Variants in CSGALNACT1 observed in about 807,000 individuals in gnomAD.
The protein encoded by CSGALNACT1 is beta4GalNAcT-1.
In CSGALNACT1, 52 loss-of-function variants were observed where a neutral mutation model predicts 51.0. That is an observed-to-expected ratio of 1.02 (90% CI 0.82 to 1.29). The LOEUF (loss-of-function observed/expected upper bound fraction) is 1.29. Ranked by LOEUF, CSGALNACT1 falls within the 50% of genes most tolerant of loss-of-function variation. CSGALNACT1 has a pLI of 0.00. For synonymous variants in CSGALNACT1, 341 were observed against 254.4 expected (o/e 1.34, Z -3.24); for missense variants, 935 against 679.2 (o/e 1.38, Z -4.19).
intron 8 of CSGALNACT1, among the ~76,000 whole-genome samples, chr8:19,412,827 C>T (rs982914339): frequency 1.3e-5 from 2 of 151,876 alleles, no homozygotes; most frequent in African/African-American, 2.4e-5. Context: ...AGGCTGGGGG[C>T]CCCCAGCCCA....
intron 6 of CSGALNACT1, among the ~76,000 whole-genome samples, chr8:19,435,777 A>G (rs1458211769): frequency 1.3e-5 from 2 of 152,208 alleles, no homozygotes; most frequent in Non-Finnish European, 2.9e-5. Flanking sequence ...CAGAATAAGA[A>G]TCAGATATTG....
chr8:19,456,817 G>A (rs551887668), intron 5 of CSGALNACT1, among the ~76,000 whole-genome samples: 2 of 152,066 alleles, frequency 1.3e-5, no homozygotes, highest in South Asian at 4.1e-4. Flanking sequence ...TACGAACTAG[G>A]GAATATGAAA....
exon 5 of CSGALNACT1, chr8:19,458,578 T>A (rs1365047456): frequency 1.2e-6 from 2 of 1,614,208 alleles, no homozygotes; most frequent in Non-Finnish European, 1.7e-6. Flanking sequence ...TGAATTCGTG[T>A]TTGTGGTCCC....
chr8:19,740,155 A>G (rs566552162), intron 1 of CSGALNACT1, among the ~76,000 whole-genome samples: 1 of 152,262 alleles, frequency 6.6e-6, no homozygotes, highest in East Asian at 1.9e-4. Context: ...GCAGAGGCCA[A>G]ATTGTTCCAG....
At chr8:19,602,076 A>C (rs775998447) in exon 1 of CSGALNACT1, 34 of 316,548 alleles carry the variant, frequency 1.1e-4, no homozygotes, top group Non-Finnish European at 1.9e-4. Flanking sequence ...TCAAGGCTTT[A>C]AACAGTGATA....
chr8:19,662,352 G>C (rs942165925), intron 1 of CSGALNACT1, among the ~76,000 whole-genome samples: 1 of 152,052 alleles, frequency 6.6e-6, no homozygotes, highest in Non-Finnish European at 1.5e-5. Flanking sequence ...CTGCACTCCA[G>C]TCTGGGCGAC....
chr8:19,715,721 C>T (rs565451969), intron 1 of CSGALNACT1, among the ~76,000 whole-genome samples: 1 of 152,066 alleles, frequency 6.6e-6, no homozygotes, highest in Non-Finnish European at 1.5e-5. Flanking sequence ...TGGAAATGGG[C>T]ACATCTTTCC....
At chr8:19,740,294 C>T (rs1456115572) in intron 1 of CSGALNACT1, among the ~76,000 whole-genome samples, 1 of 152,196 alleles carries the variant, frequency 6.6e-6, no homozygotes, top group African/African-American at 2.4e-5. Context: ...AAGTGTCTCA[C>T]CCGAGTCACA....
chr8:19,481,616 A>T (rs561189136), intron 4 of CSGALNACT1, among the ~76,000 whole-genome samples: 1 of 152,300 alleles, frequency 6.6e-6, no homozygotes, highest in South Asian at 2.1e-4. Flanking sequence ...CCCAAACTGG[A>T]GATAAGCACA....
At chr8:19,708,925 G>C (rs369980855) in intron 1 of CSGALNACT1, among the ~76,000 whole-genome samples, 14 of 152,166 alleles carry the variant, frequency 9.2e-5, no homozygotes, top group African/African-American at 3.4e-4. Context: ...ATGTGGACTT[G>C]CACGTGTCAT....
chr8:19,566,083 T>C (rs2154103028), intron 3 of CSGALNACT1, among the ~76,000 whole-genome samples: 1 of 152,370 alleles, frequency 6.6e-6, no homozygotes, highest in East Asian at 1.9e-4. Flanking sequence ...AAACCTTTTG[T>C]CTTCTATGGC....
chr8:19,467,424 A>G (rs548230144), intron 4 of CSGALNACT1, among the ~76,000 whole-genome samples: 2 of 152,134 alleles, frequency 1.3e-5, no homozygotes, highest in African/African-American at 2.4e-5. Context: ...CCTGGCCAGT[A>G]CTAGCAGTTG....
chr8:19,598,806 A>G (rs2049556587), intron 2 of CSGALNACT1, among the ~76,000 whole-genome samples: 1 of 152,216 alleles, frequency 6.6e-6, no homozygotes, highest in African/African-American at 2.4e-5. Flanking sequence ...GCCCATAAGA[A>G]GAATGTGGGT....
At chr8:19,549,458 C>G (rs2154080270) in intron 3 of CSGALNACT1, among the ~76,000 whole-genome samples, 3 of 152,052 alleles carry the variant, frequency 2.0e-5, no homozygotes, top group Admixed American at 2.0e-4. Flanking sequence ...AACTAGAAAA[C>G]TGATAGATAA....
intron 1 of CSGALNACT1, among the ~76,000 whole-genome samples, chr8:19,665,755 C>G (rs946830705): frequency 6.6e-6 from 1 of 152,190 alleles, no homozygotes; most frequent in Admixed American, 6.5e-5. Context: ...ATTCCTCTCT[C>G]TTAATTCATA....
At chr8:19,469,918 G>A (rs1000827364) in intron 4 of CSGALNACT1, among the ~76,000 whole-genome samples, 2 of 152,158 alleles carry the variant, frequency 1.3e-5, no homozygotes, top group Non-Finnish European at 2.9e-5. Flanking sequence ...CTTCACAGAA[G>A]GAGAAAGGGA....
intron 4 of CSGALNACT1, among the ~76,000 whole-genome samples, chr8:19,471,787 G>T (rs1356698964): frequency 6.6e-6 from 1 of 152,174 alleles, no homozygotes; most frequent in Non-Finnish European, 1.5e-5. Flanking sequence ...CAACGGAAGA[G>T]ATGGGGAAGA....
intron 1 of CSGALNACT1, among the ~76,000 whole-genome samples, chr8:19,702,406 G>GGA (rs1421678716): frequency 1.3e-5 from 2 of 152,032 alleles, no homozygotes; most frequent in Non-Finnish European, 2.9e-5. Flanking sequence ...CAGCTACTTG[G>GGA]GAGGCTGAGG....
At chr8:19,610,159 G>A (rs1205550058) in intron 1 of CSGALNACT1, among the ~76,000 whole-genome samples, 5 of 151,442 alleles carry the variant, frequency 3.3e-5, no homozygotes, top group African/African-American at 1.2e-4. Context: ...GCGTGGTTGC[G>A]GGTACCTGTA....
Sources: allele counts gnomAD v4.1 joint callset (sites outside exome capture counted in the v4.1 genomes callset), GRCh38; gene constraint gnomAD v4.1.1; transcripts MANE v1.5; gene names NCBI Gene and HGNC (gene_info 2026-07-23, HGNC 2026-07-21).